The following CENPP variants were observed in gnomAD, a reference collection of about 807,000 sequenced individuals.
CENPP encodes centromere protein P.
A neutral mutation model predicts 35.6 loss-of-function variants in CENPP; 24 were observed. The observed-to-expected ratio is 0.67, with a 90% CI of 0.49 to 0.95. The LOEUF (loss-of-function observed/expected upper bound fraction) is 0.95. Ranked by LOEUF, CENPP falls within the 40% of genes least tolerant of loss-of-function variation. The probability of loss-of-function intolerance (pLI) is 0.00; values close to 1 mark genes in which losing one functional copy is unlikely to be tolerated. For missense variants in CENPP, 332 were observed against 345.3 expected, an observed-to-expected ratio of 0.96 and a Z score of 0.31; for synonymous variants, 120 against 125.5, an observed-to-expected ratio of 0.96 and a Z score of 0.29.
intron 5 of CENPP, among the ~76,000 whole-genome samples, chr9:92,518,125 G>A (rs1273471999): frequency 1.3e-5 from 2 of 152,136 alleles, no homozygotes; most frequent in African/African-American, 2.4e-5. Context: ...GCTGAACTGC[G>A]CTTCCATTTT....
intron 5 of CENPP, chr9:92,470,566 A>G: frequency 1.7e-6 from 1 of 590,912 alleles, no homozygotes; most frequent in Non-Finnish European, 2.7e-6. Flanking sequence ...CATTCTTTAC[A>G]GAAAAGTAAG....
At chr9:92,392,013 C>T (rs1035648413) in intron 5 of CENPP, among the ~76,000 whole-genome samples, 4 of 151,568 alleles carry the variant, frequency 2.6e-5, no homozygotes, top group Non-Finnish European at 4.4e-5. Flanking sequence ...ATGCATTTCT[C>T]GGTGTGATTT....
intron 5 of CENPP, chr9:92,495,315 TTA>T (rs1846293515): frequency 2.3e-6 from 2 of 867,624 alleles, no homozygotes; most frequent in Non-Finnish European, 1.4e-6. Context: ...ATAAAAATCA[TTA>T]TGTTAGAAAA....
intron 5 of CENPP, among the ~76,000 whole-genome samples, chr9:92,420,911 G>C (rs1350953119): frequency 6.6e-6 from 1 of 152,172 alleles, no homozygotes; most frequent in Non-Finnish European, 1.5e-5. Context: ...ATAGAGGGAA[G>C]TGAGGAAGAA....
chr9:92,545,718 G>A (rs919067935), intron 5 of CENPP, among the ~76,000 whole-genome samples: 9 of 152,260 alleles, frequency 5.9e-5, no homozygotes, highest in East Asian at 1.9e-4. Flanking sequence ...ATCCAGCTGG[G>A]CTCTTGAGTC....
chr9:92,462,135 G>A (rs1275590243), intron 5 of CENPP, among the ~76,000 whole-genome samples: 1 of 152,012 alleles, frequency 6.6e-6, no homozygotes. Context: ...GCACCACCAT[G>A]CCCAGCTAAT....
chr9:92,431,857 G>A (rs778584912), intron 5 of CENPP, among the ~76,000 whole-genome samples: 76 of 152,154 alleles, frequency 5.0e-4, no homozygotes, highest in Non-Finnish European at 7.2e-4. Flanking sequence ...GCAGGCGTTA[G>A]CCACCATGCC....
At chr9:92,538,998 C>A (rs1849253206) in intron 5 of CENPP, 2 of 151,900 alleles carry the variant, frequency 1.3e-5, no homozygotes, top group Admixed American at 6.5e-5. Context: ...GATATTAATA[C>A]CCAAATAAAG....
At chr9:92,515,925 G>C (rs1847675499) in intron 5 of CENPP, among the ~76,000 whole-genome samples, 1 of 152,196 alleles carries the variant, frequency 6.6e-6, no homozygotes, top group Non-Finnish European at 1.5e-5. Flanking sequence ...GAGTAGAATA[G>C]ATGATAGTAG....
At chr9:92,581,748 G>A (rs752484342) in intron 5 of CENPP, among the ~76,000 whole-genome samples, 1 of 152,072 alleles carries the variant, frequency 6.6e-6, no homozygotes, top group African/African-American at 2.4e-5. Flanking sequence ...GGTGCAAGAA[G>A]GAATAAAAAG....
intron 5 of CENPP, among the ~76,000 whole-genome samples, chr9:92,529,666 A>G (rs560659585): frequency 6.1e-4 from 93 of 152,360 alleles, no homozygotes; most frequent in African/African-American, 2.2e-3. Context: ...TACATGGAAG[A>G]ACCTTAAATG....
At chr9:92,484,174 A>G (rs914577498) in intron 5 of CENPP, among the ~76,000 whole-genome samples, 3 of 152,082 alleles carry the variant, frequency 2.0e-5, no homozygotes, top group East Asian at 1.9e-4. Context: ...ATTGAAGTGT[A>G]TGTTACCAAA....
intron 2 of CENPP, among the ~76,000 whole-genome samples, chr9:92,333,762 C>T (rs1840832620): frequency 6.6e-6 from 1 of 152,036 alleles, no homozygotes; most frequent in Admixed American, 6.6e-5. Context: ...GAGTTTTGCA[C>T]TGTCACCCGG....
At chr9:92,393,173 C>T (rs1157287205) in intron 5 of CENPP, 1 of 1,613,536 alleles carries the variant, frequency 6.2e-7, no homozygotes, top group East Asian at 2.2e-5. Flanking sequence ...AAGGGTGGTA[C>T]AGCATCAATG....
chr9:92,391,280 A>G (rs1842671245), intron 5 of CENPP, among the ~76,000 whole-genome samples: 1 of 151,262 alleles, frequency 6.6e-6, no homozygotes, highest in Non-Finnish European at 1.5e-5. Flanking sequence ...GGTGGCGAGC[A>G]CTTGTAGTCC....
chr9:92,546,792 T>C (rs1563997955), intron 5 of CENPP, among the ~76,000 whole-genome samples: 1 of 152,212 alleles, frequency 6.6e-6, no homozygotes, highest in East Asian at 1.9e-4. Context: ...ATGAATAATT[T>C]CTTTAAAAAA....
At position 92,618,650 on chromosome 9, in the gene CENPP, G is replaced by A. The variant is rs1337406111; in HGVS notation, c.*5501G>A. Reference sequence around the variant, plus strand: ...GGTATTTCCTTAGGGGATAACAGGAGTTTTCAACTAAATAGAACAACCTTT... The same window carrying A: ...GGTATTTCCTTAGGGGATAACAGGAATTTTCAACTAAATAGAACAACCTTT... On this transcript the variant is annotated 3_prime_UTR_variant, in exon 8 of 8. Transcript: ENST00000375587. 2.3e-6 allele frequency: 1 copy of A among 439,568 alleles called. No individual in the cohort carries two copies. The highest frequency in any genetic ancestry group is 4.6e-6 in the Non-Finnish European group (1 of 216,166). The allele number at this position is 439,568 out of a possible 1,614,324, so 27.2% of individuals were successfully genotyped here.
At chr9:92,456,324 G>C (rs1185072996) in intron 5 of CENPP, 1 of 152,128 alleles carries the variant, frequency 6.6e-6, no homozygotes, top group African/African-American at 2.4e-5. Flanking sequence ...TTCGGTTTCT[G>C]TCTGTTTAAT....
At chr9:92,338,325 A>C (rs76172636) in intron 3 of CENPP, among the ~76,000 whole-genome samples, 251 of 151,880 alleles carry the variant, frequency 1.7e-3, no homozygotes, top group African/African-American at 4.9e-3. Context: ...CAAAAAAAAA[A>C]CCACCAAAAA....
Sources: allele counts gnomAD v4.1 joint callset (sites outside exome capture counted in the v4.1 genomes callset), GRCh38; gene constraint gnomAD v4.1.1; transcripts MANE v1.5; gene names NCBI Gene and HGNC (gene_info 2026-07-23, HGNC 2026-07-21).